Variants in SVOPL observed in about 807,000 individuals in gnomAD.
SVOPL encodes SVOP like, also known as putative transporter SVOPL.
Under a neutral mutation model 61.0 loss-of-function variants are expected in SVOPL, and 60 were observed. That is an observed-to-expected ratio of 0.98 (90% CI 0.80 to 1.22). The LOEUF is 1.22. Among genes scored for constraint, SVOPL ranks in the 50% most tolerant of loss-of-function variants. SVOPL has a pLI of 0.00. For missense variants in SVOPL, 662 were observed against 643.9 expected (o/e 1.03, Z -0.30); for synonymous variants, 279 against 250.0 (o/e 1.12, Z -1.09).
At chr7:138,628,807 A>G (rs2116916615) in intron 10 of SVOPL, among the ~76,000 whole-genome samples, 1 of 152,208 alleles carries the variant, frequency 6.6e-6, no homozygotes, top group South Asian at 2.1e-4. Context: ...TTTAAGGTTG[A>G]GCATGTTTTG....
intron 4 of SVOPL, among the ~76,000 whole-genome samples, chr7:138,671,354 T>G (rs956996487): frequency 6.6e-6 from 1 of 152,154 alleles, no homozygotes; most frequent in Non-Finnish European, 1.5e-5. Flanking sequence ...TAAGGCTATT[T>G]TTTCTTTTTT....
At chr7:138,670,489 C>T (rs2117106556) in intron 4 of SVOPL, among the ~76,000 whole-genome samples, 1 of 152,292 alleles carries the variant, frequency 6.6e-6, no homozygotes, top group African/African-American at 2.4e-5. Context: ...CACCCAGACC[C>T]ATGACCCCTG....
At chr7:138,595,777 A>G (rs1798250788) in intron 15 of SVOPL, among the ~76,000 whole-genome samples, 1 of 152,200 alleles carries the variant, frequency 6.6e-6, no homozygotes. Flanking sequence ...GCACTCAATG[A>G]CTGGATCACC....
intron 3 of SVOPL, among the ~76,000 whole-genome samples, chr7:138,672,727 G>A (rs574402507): frequency 1.3e-4 from 19 of 150,238 alleles, no homozygotes; most frequent in Admixed American, 9.3e-4. Context: ...CTGGGCTTAA[G>A]TGAACCTCCC....
Position 138,608,203 on chromosome 7 carries a change from G to A in SVOPL, c.1354-11673C>T, listed in dbSNP as rs1249895187. ...AAAGTCAATTTTTCCTCTATTAGCT[G>A]TTACATTGAACACATTAACAATTAA... On this transcript the variant is annotated intron_variant, in intron 14 of 15. Coordinates refer to ENST00000674285, the MANE Select transcript of SVOPL (RefSeq NM_001139456.2). 3.3e-5 allele frequency among the ~76,000 whole-genome samples: 5 copies of A among 152,294 alleles called. No individual in the cohort carries two copies. In the East Asian group the frequency reaches 9.7e-4, roughly 29 times the overall value.
intron 5 of SVOPL, chr7:138,660,724 A>G (rs1343610046): frequency 1.0e-6 from 1 of 985,320 alleles, no homozygotes; most frequent in Non-Finnish European, 1.2e-6. Flanking sequence ...GGTTAGCAGA[A>G]TATTTTCAAG....
chr7:138,689,986 C>A (rs765374899), intron 1 of SVOPL, among the ~76,000 whole-genome samples: 1 of 151,820 alleles, frequency 6.6e-6, no homozygotes, highest in Admixed American at 6.6e-5. Context: ...CCTGGCAACA[C>A]GAAGGCAGAT....
intron 13 of SVOPL, chr7:138,625,261 G>T (rs776100613): frequency 2.0e-5 from 3 of 152,116 alleles, no homozygotes; most frequent in Non-Finnish European, 4.4e-5. Context: ...TTCTCTGCGG[G>T]TTTAATGGTT....
Position 138,663,638 on chromosome 7 carries a change from T to A in SVOPL, c.274-493A>T, listed in dbSNP as rs915476255. ...AGATACACCTACTTCTTTTCCTTAC[T>A]CGTTCTCACAATGGCCTGTCCTCCC... On this transcript the variant is annotated intron_variant, in intron 4 of 15. Coordinates refer to ENST00000674285, the MANE Select transcript of SVOPL (RefSeq NM_001139456.2). 3 of 977,668 alleles carry A rather than the reference T, an allele frequency of 3.1e-6. No homozygotes were observed. The African/African-American group carries it at 5.3e-5, about 17-fold the overall frequency. 60.6% of individuals were successfully genotyped at this position (977,668 alleles called of 1,614,324 possible).
At chr7:138,689,221 G>T in intron 1 of SVOPL, 5 of 1,421,992 alleles carry the variant, frequency 3.5e-6, no homozygotes, top group Non-Finnish European at 4.9e-6. Context: ...TGGACACAAG[G>T]TTGGTGGCCC....
chr7:138,628,149 G>A lies in SVOPL; in HGVS notation c.1069+9C>T. 1 of 1,614,108 alleles carries A rather than the reference G, an allele frequency of 6.2e-7. No individual in the cohort carries two copies. Among genetic ancestry groups the A allele is most frequent in the Non-Finnish European group, 8.5e-7 (1 of 1,180,014 alleles). ...GACAGAGAGACCCAACACGCAGAGG[G>A]ACACTTACAAGCAATTTCACCGATG... On this transcript the variant is annotated intron_variant, in intron 11 of 15. Coordinates refer to ENST00000674285, the MANE Select transcript of SVOPL (RefSeq NM_001139456.2).
At chr7:138,597,061 A>G in intron 14 of SVOPL, 1 of 1,157,032 alleles carries the variant, frequency 8.6e-7, no homozygotes, top group Non-Finnish European at 1.1e-6. Context: ...TTTGGTGTCA[A>G]TTTTTCCACA....
chr7:138,687,807 A>ATT lies in SVOPL; in HGVS notation c.-34-8730_-34-8729dup, dbSNP rs548539622. Among the ~76,000 whole-genome samples the ATT allele has an allele frequency of 9.0e-5, 13 of 144,722 alleles. No homozygotes were observed. In the South Asian group the frequency reaches 1.1e-3, roughly 12 times the overall value. 94.9% of individuals were successfully genotyped at this position (144,722 alleles called of 152,430 possible). ...AACTCGATAATAAAAAGAAAATCTA[A>ATT]TTTTTTTTTTTTTTAAATAGAGTCT... is the stretch of plus-strand genomic sequence containing the variant. On this transcript the variant is annotated intron_variant, in intron 1 of 15. Transcript: ENST00000674285.
chr7:138,662,793 C>A (rs1328273601), intron 5 of SVOPL: 9 of 1,228,182 alleles, frequency 7.3e-6, no homozygotes, highest in Non-Finnish European at 8.2e-6. Context: ...AGCGGCCTTC[C>A]TTCCTTTAAT....
intron 15 of SVOPL, among the ~76,000 whole-genome samples, chr7:138,594,852 A>G (rs1798213797): frequency 6.6e-6 from 1 of 152,038 alleles, no homozygotes; most frequent in South Asian, 2.1e-4. Flanking sequence ...TACATACATT[A>G]TATATACATT....
intron 15 of SVOPL, among the ~76,000 whole-genome samples, chr7:138,594,992 G>T (rs1435167713): frequency 1.3e-5 from 2 of 151,544 alleles, no homozygotes; most frequent in African/African-American, 4.9e-5. Context: ...CTGACCTCAG[G>T]TGATCCACCT....
intron 5 of SVOPL, chr7:138,660,268 G>T: frequency 8.7e-7 from 1 of 1,144,628 alleles, no homozygotes; most frequent in Middle Eastern, 3.8e-4. Context: ...ACATCAAAAG[G>T]CAAAAACGTG....
intron 14 of SVOPL, among the ~76,000 whole-genome samples, chr7:138,608,210 T>C (rs986951490): frequency 6.6e-6 from 1 of 152,234 alleles, no homozygotes. Context: ...GCTGTTACAT[T>C]GAACACATTA....
chr7:138,612,424 T>TAAAAAAAAAAAAAAAAAA (rs1281500368), intron 14 of SVOPL, among the ~76,000 whole-genome samples: 4 of 41,190 alleles, frequency 9.7e-5, no homozygotes, highest in Non-Finnish European at 1.6e-4. Context: ...AAAAAAAAAA[T>TAAAAAAAAAAAAAAAAAA]AAAATAAAAA....
Sources: gnomAD v4.1 joint callset for allele counts (sites outside exome capture counted in the v4.1 genomes callset) on GRCh38, gnomAD v4.1.1 for gene constraint, MANE v1.5 for transcripts, NCBI Gene and HGNC (gene_info 2026-07-23, HGNC 2026-07-21) for gene names.